TMEM235: variants seen among roughly 807,000 people sequenced by gnomAD.
TMEM235 encodes the protein transmembrane protein 235.
In TMEM235, 23 loss-of-function variants were observed where a neutral mutation model predicts 22.9. The observed-to-expected ratio is 1.00, with a 90% CI of 0.72 to 1.42. The LOEUF (loss-of-function observed/expected upper bound fraction) is 1.42, where lower values mean the gene tolerates loss of function less well. Among genes scored for constraint, TMEM235 ranks in the 40% most tolerant of loss-of-function variants. TMEM235 has a pLI of 0.00. For synonymous variants in TMEM235, 137 were observed against 140.5 expected, an observed-to-expected ratio of 0.98 and a Z score of 0.17; for missense variants, 308 against 299.5, an observed-to-expected ratio of 1.03 and a Z score of -0.21.
intron 4 of TMEM235, among the ~76,000 whole-genome samples, chr17:78,235,723 C>G (rs1361097393): frequency 1.3e-5 from 2 of 151,892 alleles, no homozygotes; most frequent in African/African-American, 2.4e-5. Flanking sequence ...GCCTCAGCCT[C>G]CTGAGCAGCT....
chr17:78,235,661 C>T (rs551342732), intron 4 of TMEM235, among the ~76,000 whole-genome samples: 6 of 138,668 alleles, frequency 4.3e-5, no homozygotes, highest in South Asian at 4.6e-4. Flanking sequence ...AGTGCAGTGG[C>T]GCAATCTTCG....
intron 4 of TMEM235, among the ~76,000 whole-genome samples, chr17:78,236,832 A>T (rs1167850631): frequency 6.6e-6 from 1 of 152,232 alleles, no homozygotes; most frequent in Non-Finnish European, 1.5e-5. Flanking sequence ...TGGGGAAACC[A>T]GCAGCCTTGG....
In TMEM235 at chr17:78,238,484, G is replaced by T. The variant is rs2076668734; in HGVS notation, c.410-540G>T. 1.3e-5 allele frequency among the ~76,000 whole-genome samples: 2 copies of T among 152,028 alleles called. No individual in the cohort carries two copies. Among genetic ancestry groups the T allele is most frequent in the African/African-American group, 4.8e-5 (2 of 41,400 alleles). ...AAGGTGTGAGGAAGAGGAGGCGGGG[G>T]TGCAGGGCAGGGACTCACTCTGATC... On this transcript the variant is annotated intron_variant, in intron 4 of 5. Coordinates refer to ENST00000421688, the Ensembl canonical transcript of TMEM235. This position sits in a 1 kb window ranked among gnomAD's most constrained non-coding sequence, Gnocchi z 4.3.
In TMEM235 at chr17:78,237,672, T is replaced by G. The variant is rs1333351412; in HGVS notation, c.410-1352T>G. ...GAGACAGGCAGAGACAGGCACCTCCTGCCGCACGGTCAGCCCCCGCTGCTG... is the reference window on the plus strand; with the variant it reads ...GAGACAGGCAGAGACAGGCACCTCCGGCCGCACGGTCAGCCCCCGCTGCTG... On this transcript the variant is annotated intron_variant, in intron 4 of 5. Coordinates refer to ENST00000421688, the Ensembl canonical transcript of TMEM235. This position sits in a 1 kb window ranked among gnomAD's most constrained non-coding sequence, Gnocchi z 4.7. 6.6e-6 allele frequency among the ~76,000 whole-genome samples: 1 copy of G among 151,958 alleles called. No individual in the cohort carries two copies. The highest frequency in any genetic ancestry group is 2.0e-4 in the East Asian group (1 of 5,128).
chr17:78,238,558 G>GTGTT lies in TMEM235; in HGVS notation c.410-463_410-462insTTGT, dbSNP rs572601138. ...CAGCAGAGGCCATGGCTCTGTGTGT[G>GTGTT]TGTGTGTGTGTGTGTGTGTGTGTGT... On this transcript the variant is annotated intron_variant, in intron 4 of 5. Coordinates refer to ENST00000421688, the Ensembl canonical transcript of TMEM235. This position sits in a 1 kb window ranked among gnomAD's most constrained non-coding sequence, Gnocchi z 4.3. 8.3e-6 allele frequency among the ~76,000 whole-genome samples: 1 copy of GTGTT among 119,942 alleles called. No homozygotes were observed. The highest frequency in any genetic ancestry group is 2.3e-4 in the South Asian group (1 of 4,262). The allele number at this position is 119,942 out of a possible 152,430, so 78.7% of individuals were successfully genotyped here.
rs552919432 is a variant in TMEM235, at chr17:78,240,010, T to C, written c.*218T>C. 66 of 1,530,672 alleles carry C rather than the reference T, an allele frequency of 4.3e-5. No homozygotes were observed. In the African/African-American group the frequency reaches 8.4e-4, roughly 19 times the overall value. 94.8% of individuals were successfully genotyped at this position (1,530,672 alleles called of 1,614,324 possible). A position where few individuals can be genotyped will look rare whatever the true frequency, so the allele number is the denominator to read the frequency against. On this transcript the variant is annotated 3_prime_UTR_variant, in exon 6 of 6. Transcript: ENST00000421688. The stretch of plus-strand genomic sequence containing the variant: ...TGTACCCCTCTGCCCCCTCCCTTGT[T>C]CTCAAGCCTGCTAGGTACTTTTCAC...
chr17:78,231,375 T>C (rs1457935668), intron 1 of TMEM235: 3 of 1,249,258 alleles, frequency 2.4e-6, no homozygotes, highest in East Asian at 1.2e-4. Context: ...CCGGCCTTGC[T>C]GGAGGGGGCA....
chr17:78,239,836 G>A, exon 6 of TMEM235: 1 of 1,551,498 alleles, frequency 6.4e-7, no homozygotes, highest in South Asian at 1.2e-5. Context: ...CCTGGCGCCA[G>A]AGAGATGCCG....
exon 2 of TMEM235, chr17:78,231,937 C>T: frequency 1.0e-6 from 1 of 1,004,326 alleles, no homozygotes; most frequent in Non-Finnish European, 1.2e-6. Flanking sequence ...CGCCCGCCCC[C>T]CGTCCCCCGG....
chr17:78,239,225 T>TG lies in TMEM235; in HGVS notation c.612dup (p.Ser205GlufsTer81), dbSNP rs1164475146. The TG allele has an allele frequency of 1.9e-6, 3 of 1,543,050 alleles. No homozygotes were observed. The highest frequency in any genetic ancestry group is 2.6e-6 in the Non-Finnish European group (3 of 1,146,950). On this transcript the variant is annotated frameshift_variant, in exon 5 of 6. Coordinates refer to ENST00000421688, the Ensembl canonical transcript of TMEM235. LOFTEE classifies it low-confidence loss of function (END_TRUNC). ...CTCTCAGCTGCCTGGACCCTCAGCCTGAGCCCCCCAATCTGTGGTCATCTG... is the reference window on the plus strand; with the variant it reads ...CTCTCAGCTGCCTGGACCCTCAGCCTGGAGCCCCCCAATCTGTGGTCATCTG...
At chr17:78,234,292 G>C (rs752851916) in intron 3 of TMEM235, 1 of 689,652 alleles carries the variant, frequency 1.5e-6, no homozygotes, top group Non-Finnish European at 2.6e-6. Context: ...CCCCATTTAG[G>C]ACTCGATTCT....
chr17:78,236,260 C>G (rs966032567), intron 4 of TMEM235, among the ~76,000 whole-genome samples: 17 of 150,280 alleles, frequency 1.1e-4, no homozygotes, highest in African/African-American at 3.9e-4. Context: ...AGCCCCTCAC[C>G]ACACCCTTCT....
At chr17:78,233,914 G>T in exon 3 of TMEM235, 1 of 1,535,920 alleles carries the variant, frequency 6.5e-7, no homozygotes, top group South Asian at 1.2e-5. Flanking sequence ...GCTGCATCCC[G>T]CTGGTCGACC....
chr17:78,239,192 C>T (rs2076681009), exon 5 of TMEM235: 3 of 1,543,376 alleles, frequency 1.9e-6, no homozygotes, highest in Non-Finnish European at 2.6e-6. Flanking sequence ...TTCAGCGGAA[C>T]CCTCCTGCTC....
chr17:78,234,653 G>C lies in TMEM235; in HGVS notation c.332G>C (p.Trp111Ser), dbSNP rs577401245. ...AGCCTGGTCCTTCTCGTGTGTGGCT[G>C]GATCTGCGGCCTGCTCAGCTCCCTG... Residue 111 changes from tryptophan (W) to serine (S), a missense_variant, in exon 4 of 6, where the codon TGG becomes TCG. Transcript: ENST00000421688. The C allele has an allele frequency of 2.2e-5, 34 of 1,536,186 alleles. No homozygotes were observed. The East Asian group carries it at 7.8e-4, about 35-fold the overall frequency.
At chr17:78,239,054 ACAT>A in exon 5 of TMEM235, 1 of 1,543,734 alleles carries the variant, frequency 6.5e-7, no homozygotes, top group Non-Finnish European at 8.7e-7. Flanking sequence ...GTCAGCATCT[ACAT>A]CAGCTACTCG....
chr17:78,234,550 C>T, intron 3 of TMEM235, 43 bp from the exon 3 acceptor site: 1 of 1,533,576 alleles, frequency 6.5e-7, no homozygotes, highest in Non-Finnish European at 8.7e-7. Context: ...TGCTGAAGGG[C>T]CCACCTGGAC....
exon 2 of TMEM235, chr17:78,231,555 C>T (rs2076578744): frequency 7.7e-7 from 1 of 1,303,934 alleles, no homozygotes; most frequent in Non-Finnish European, 1.0e-6. Flanking sequence ...CTTCCAGGAG[C>T]ACGGGTGGGT....
At chr17:78,232,065 T>G (rs1385709696) in exon 2 of TMEM235, 11 of 1,304,296 alleles carry the variant, frequency 8.4e-6, no homozygotes, top group Non-Finnish European at 1.1e-5. Flanking sequence ...CCGCCCTGGG[T>G]GCACTGCTCA....
Sources: allele counts gnomAD v4.1 joint callset (sites outside exome capture counted in the v4.1 genomes callset), GRCh38; gene constraint gnomAD v4.1.1; non-coding constraint Gnocchi (gnomAD v3.1); transcripts MANE v1.5; gene names NCBI Gene and HGNC (gene_info 2026-07-23, HGNC 2026-07-21).